Variants in XBP1 observed in about 807,000 individuals in gnomAD.
The protein encoded by XBP1 is X-box-binding protein 1.
In XBP1, 18 loss-of-function variants were observed where a neutral mutation model predicts 34.6. That is an observed-to-expected ratio of 0.52 (90% CI 0.36 to 0.77). The LOEUF is 0.77. Among genes scored for constraint, XBP1 ranks in the 30% least tolerant of loss-of-function variants. The probability of loss-of-function intolerance (pLI) is 0.00; values close to 1 mark genes in which losing one functional copy is unlikely to be tolerated. For synonymous variants in XBP1, 191 were observed against 193.4 expected, an observed-to-expected ratio of 0.99 and a Z score of 0.11; for missense variants, 422 against 464.6, an observed-to-expected ratio of 0.91 and a Z score of 0.84.
chr22:28,799,457 T>C (rs2031823606), intron 1 of XBP1, among the ~76,000 whole-genome samples: 1 of 152,176 alleles, frequency 6.6e-6, no homozygotes, highest in Admixed American at 6.6e-5. Flanking sequence ...GGAACTTTCC[T>C]CTTTCCCCAT....
exon 6 of XBP1, chr22:28,795,463 T>C: frequency 6.2e-7 from 1 of 1,612,944 alleles, no homozygotes; most frequent in Non-Finnish European, 8.5e-7. Context: ...CTTCCTCGAT[T>C]TTCACTACCA....
intron 2 of XBP1, among the ~76,000 whole-genome samples, chr22:28,798,224 C>G (rs2031786340): frequency 6.6e-6 from 1 of 151,958 alleles, no homozygotes; most frequent in Non-Finnish European, 1.5e-5. Flanking sequence ...CATCTAGCAC[C>G]AAATGCCACA....
chr22:28,798,597 C>CGGT (rs1220262384), intron 2 of XBP1, among the ~76,000 whole-genome samples: 2 of 141,640 alleles, frequency 1.4e-5, no homozygotes, highest in East Asian at 4.4e-4. Flanking sequence ...GTGTGAGCCC[C>CGGT]GGTGCCCAGC....
chr22:28,795,307 C>T, exon 6 of XBP1: 7 of 1,551,956 alleles, frequency 4.5e-6, no homozygotes, highest in Non-Finnish European at 6.1e-6. Context: ...TGTAAGCATC[C>T]AGTAGGCAGG....
At chr22:28,796,820 T>C (rs770924882) in intron 3 of XBP1, 1 of 274,818 alleles carries the variant, frequency 3.6e-6, no homozygotes, top group Non-Finnish European at 6.7e-6. Flanking sequence ...GGCTACTGCA[T>C]TTGTTAGTAC....
exon 6 of XBP1, chr22:28,795,360 T>C (rs1258393591): frequency 1.3e-6 from 2 of 1,552,040 alleles, no homozygotes; most frequent in East Asian, 4.9e-5. Context: ...AGATTTGAGA[T>C]ACCCAGCTCC....
chr22:28,795,141 G>A (rs1335288603), downstream of XBP1: 2 of 1,465,970 alleles, frequency 1.4e-6, no homozygotes, highest in South Asian at 1.4e-5. Flanking sequence ...CAGTGTAATA[G>A]TCAAGGAAAA....
At chr22:28,799,543 G>T (rs2146267557) in intron 1 of XBP1, among the ~76,000 whole-genome samples, 1 of 152,290 alleles carries the variant, frequency 6.6e-6, no homozygotes, top group Non-Finnish European at 1.5e-5. Flanking sequence ...AGTGAAGGCT[G>T]CAATCTTGCT....
At chr22:28,798,666 G>C (rs181605299) in intron 2 of XBP1, among the ~76,000 whole-genome samples, 1 of 146,376 alleles carries the variant, frequency 6.8e-6, no homozygotes, top group East Asian at 2.1e-4. Flanking sequence ...CTGGAGTGCA[G>C]TGGTGCGATC....
chr22:28,800,376 G>C (rs1428349701), exon 1 of XBP1: 1 of 1,539,036 alleles, frequency 6.5e-7, no homozygotes, highest in Non-Finnish European at 8.7e-7. Context: ...CCCGCTCGCT[G>C]CCTCCGGGCT....
chr22:28,800,195 C>G, intron 1 of XBP1, 103 bp downstream of exon 1: 1 of 1,358,528 alleles, frequency 7.4e-7, no homozygotes, highest in Non-Finnish European at 1.0e-6. Flanking sequence ...CGACGGAGCC[C>G]TGCGGGGCGG....
Position 28,800,193 on chromosome 22 carries a change from CCCTG to C in XBP1, c.227+101_227+104del, listed in dbSNP as rs2031850342. The C allele has an allele frequency of 1.5e-5, 20 of 1,331,308 alleles. No individual in the cohort carries two copies. The South Asian group carries it at 2.4e-4, about 16-fold the overall frequency. The allele number at this position is 1,331,308 out of a possible 1,614,324, so 82.5% of individuals were successfully genotyped here. On this transcript the variant is annotated intron_variant, in intron 1 of 5. Coordinates refer to ENST00000344347, the Ensembl canonical transcript of XBP1. ...ACCCGCCAGGCCAAAGGCGACGGAG[CCCTG>C]CGGGGCGGCCAGTGCTGGGTCCCCG...
intron 1 of XBP1, chr22:28,799,977 A>G (rs756949280): frequency 3.8e-6 from 3 of 779,530 alleles, no homozygotes; most frequent in Non-Finnish European, 7.2e-6. Context: ...CCGAGTTAAG[A>G]GGCTGAACCA....
At chr22:28,797,504 G>C (rs187384477) in intron 2 of XBP1, among the ~76,000 whole-genome samples, 2 of 152,168 alleles carry the variant, frequency 1.3e-5, no homozygotes, top group Admixed American at 1.3e-4. Context: ...ATCTTGGCCA[G>C]GCTCGGTGGC....
At chr22:28,795,429 C>G (rs2031729490) in exon 6 of XBP1, 2 of 1,586,266 alleles carry the variant, frequency 1.3e-6, no homozygotes, top group Non-Finnish European at 1.7e-6. Context: ...TCAGGGTGAT[C>G]ATTCTCTGAG....
chr22:28,800,208 A>T, intron 1 of XBP1, 90 bp downstream of exon 1: 1 of 1,412,018 alleles, frequency 7.1e-7, no homozygotes, highest in Non-Finnish European at 9.7e-7. Context: ...CGGGGCGGCC[A>T]GTGCTGGGTC....
exon 6 of XBP1, chr22:28,795,480 C>T (rs2031730744): frequency 6.2e-7 from 1 of 1,614,032 alleles, no homozygotes; most frequent in Non-Finnish European, 8.5e-7. Context: ...ACCACATTAG[C>T]TTGGCTCTCT....
chr22:28,797,149 T>G (rs2031766280), exon 3 of XBP1: 12 of 1,613,686 alleles, frequency 7.4e-6, no homozygotes, highest in Non-Finnish European at 1.0e-5. Context: ...GGTTCTCAAC[T>G]ACAAGGCCAT....
At chr22:28,795,373 A>G (rs2031728039) in exon 6 of XBP1, 1 of 1,552,842 alleles carries the variant, frequency 6.4e-7, no homozygotes, top group Non-Finnish European at 8.7e-7. Flanking sequence ...CCAGCTCCGG[A>G]ACGAGGTCAT....
Sources: allele counts gnomAD v4.1 joint callset (sites outside exome capture counted in the v4.1 genomes callset), GRCh38; gene constraint gnomAD v4.1.1; transcripts MANE v1.5; gene names NCBI Gene and HGNC (gene_info 2026-07-23, HGNC 2026-07-21).